TEX28: variants seen among roughly 807,000 people sequenced by gnomAD.
The protein encoded by TEX28 is testis expressed 28.
upstream of TEX28, among the ~76,000 whole-genome samples, chrX:154,294,781 C>G (rs1419889691): frequency 9.2e-6 from 1 of 108,509 alleles, no homozygotes; most frequent in Non-Finnish European, 1.9e-5. Flanking sequence ...CCAGCTTGGG[C>G]GACAGGGCGA....
At chrX:154,294,329 A>C (rs2067201286), upstream of TEX28, among the ~76,000 whole-genome samples, 1 of 100,822 alleles carries the variant, frequency 9.9e-6, no homozygotes, top group African/African-American at 3.7e-5. Context: ...GGCCTCCCAA[A>C]GTGCTGGGAT....
upstream of TEX28, among the ~76,000 whole-genome samples, chrX:154,294,765 T>C (rs1557163574): frequency 9.2e-6 from 1 of 108,446 alleles, no homozygotes. Context: ...TTCGAGCCAC[T>C]GCACTCCAGC....
upstream of TEX28, chrX:154,295,036 G>A (rs1351033736): frequency 8.9e-6 from 1 of 111,990 alleles, no homozygotes; most frequent in Non-Finnish European, 1.9e-5. Flanking sequence ...TCACCTCAGA[G>A]GTGGGGAGAA....
upstream of TEX28, among the ~76,000 whole-genome samples, chrX:154,294,239 T>A (rs1262153156): frequency 3.7e-5 from 4 of 109,460 alleles, no homozygotes; most frequent in East Asian, 8.7e-4. Flanking sequence ...CCCAGCTAAT[T>A]TTTTTGTATT....
chrX:154,295,026 T>G (rs1253530923), upstream of TEX28: 2 of 111,569 alleles, frequency 1.8e-5, no homozygotes, highest in Non-Finnish European at 3.8e-5. Flanking sequence ...GGTCGGTAGG[T>G]CACCTCAGAG....
chrX:154,295,022 T>G (rs893249085), upstream of TEX28: 8 of 111,641 alleles, frequency 7.2e-5, no homozygotes, highest in Admixed American at 3.8e-4. Context: ...TCTGGGTCGG[T>G]AGGTCACCTC....
chrX:154,294,076 AT>A (rs1400736284), upstream of TEX28, among the ~76,000 whole-genome samples: 68 of 81,114 alleles, frequency 8.4e-4, no homozygotes, highest in African/African-American at 3.0e-3. Context: ...GGCCTGTTAA[AT>A]TTTTTTTCTT....
chrX:154,293,332 C>CAAAACA (rs1194928273), upstream of TEX28, among the ~76,000 whole-genome samples: 1 of 77,396 alleles, frequency 1.3e-5, no homozygotes, highest in Admixed American at 1.4e-4. Flanking sequence ...CTTGATTAAT[C>CAAAACA]AAAACAAAAA....
chrX:154,294,420 A>T (rs1215061762), upstream of TEX28, among the ~76,000 whole-genome samples: 1 of 105,467 alleles, frequency 9.5e-6, no homozygotes, highest in African/African-American at 3.5e-5. Context: ...AGGCTGGAGT[A>T]CAGTGGCGCC....
At chrX:154,293,937 C>T (rs1233070904), upstream of TEX28, among the ~76,000 whole-genome samples, 1 of 62,036 alleles carries the variant, frequency 1.6e-5, no homozygotes, top group Admixed American at 2.0e-4. Flanking sequence ...TCCACCAGAA[C>T]GCCAAAAATT....
upstream of TEX28, among the ~76,000 whole-genome samples, chrX:154,293,652 T>C (rs2067197108): frequency 1.4e-5 from 1 of 73,827 alleles, no homozygotes. Flanking sequence ...GGTGGCAGAC[T>C]GAGACCCCAT....
chrX:154,294,785 A>G (rs1423221018), upstream of TEX28, among the ~76,000 whole-genome samples: 2 of 109,344 alleles, frequency 1.8e-5, no homozygotes, highest in Non-Finnish European at 3.8e-5. Context: ...CTTGGGCGAC[A>G]GGGCGAGACT....
upstream of TEX28, among the ~76,000 whole-genome samples, chrX:154,294,594 G>T (rs2067203775): frequency 1.8e-5 from 2 of 108,293 alleles, 1 homozygote; most frequent in South Asian, 8.0e-4. Context: ...CTGAGGTCAG[G>T]AGTTCGAGAC....
upstream of TEX28, among the ~76,000 whole-genome samples, chrX:154,294,315 C>T (rs1190582198): frequency 2.0e-5 from 2 of 98,595 alleles, no homozygotes; most frequent in Non-Finnish European, 4.1e-5. Context: ...GATCCACCCA[C>T]CTTGGCCTCC....
upstream of TEX28, among the ~76,000 whole-genome samples, chrX:154,294,648 A>G (rs2067204368): frequency 9.1e-6 from 1 of 110,038 alleles, no homozygotes; most frequent in Non-Finnish European, 1.9e-5. Context: ...CTAAAAATAC[A>G]AAAAATTAGC....
chrX:154,294,342 C>G (rs1202971071), upstream of TEX28, among the ~76,000 whole-genome samples: 6 of 101,159 alleles, frequency 5.9e-5, no homozygotes, highest in Non-Finnish European at 1.2e-4. Flanking sequence ...GCTGGGATTA[C>G]AGGAGCGTGT....
upstream of TEX28, among the ~76,000 whole-genome samples, chrX:154,294,743 C>T (rs782048699): frequency 1.9e-4 from 21 of 109,006 alleles, no homozygotes; most frequent in Middle Eastern, 4.7e-3. Flanking sequence ...GCAGAGGTTG[C>T]AACGAGCTAA....
upstream of TEX28, among the ~76,000 whole-genome samples, chrX:154,294,800 C>G (rs1308672071): frequency 1.9e-5 from 2 of 107,878 alleles, no homozygotes; most frequent in Non-Finnish European, 3.8e-5. Flanking sequence ...GAGACTCCGT[C>G]TCAAAAAAAA....
upstream of TEX28, chrX:154,294,951 C>T (rs1253154000): frequency 1.8e-5 from 2 of 112,503 alleles, no homozygotes; most frequent in Non-Finnish European, 3.8e-5. Context: ...CACTTGGGAT[C>T]CGGAATGTCT....
Sources: allele counts gnomAD v4.1 joint callset (sites outside exome capture counted in the v4.1 genomes callset), GRCh38; gene constraint gnomAD v4.1.1; transcripts MANE v1.5; gene names NCBI Gene and HGNC (gene_info 2026-07-23, HGNC 2026-07-21).